Variants in SPOCK1 observed in about 807,000 individuals in gnomAD.
The protein encoded by SPOCK1 is SPARC (osteonectin), cwcv and kazal like domains proteoglycan 1.
In SPOCK1, 23 loss-of-function variants were observed where a neutral mutation model predicts 55.3. The observed-to-expected ratio is 0.42, with a 90% confidence interval of 0.30 to 0.59. The LOEUF is 0.59. Among genes scored for constraint, SPOCK1 ranks in the 20% least tolerant of loss-of-function variants. SPOCK1 has a pLI of 0.22. For synonymous variants in SPOCK1, 226 were observed against 221.0 expected, an observed-to-expected ratio of 1.02 and a Z score of -0.20; for missense variants, 499 against 552.5, an observed-to-expected ratio of 0.90 and a Z score of 0.97.
At chr5:137,449,713 A>G (rs1753208718) in intron 2 of SPOCK1, among the ~76,000 whole-genome samples, 1 of 151,290 alleles carries the variant, frequency 6.6e-6, no homozygotes, top group East Asian at 1.9e-4. Flanking sequence ...TCACAGTGGA[A>G]CCCCATCTCT....
intron 2 of SPOCK1, among the ~76,000 whole-genome samples, chr5:137,324,213 G>C (rs569337061): frequency 1.3e-5 from 2 of 152,210 alleles, no homozygotes; most frequent in Non-Finnish European, 2.9e-5. Flanking sequence ...GGGAGGCAGA[G>C]GTGGGTGGAT....
At chr5:137,082,030 G>A (rs1277287080) in intron 5 of SPOCK1, among the ~76,000 whole-genome samples, 1 of 152,228 alleles carries the variant, frequency 6.6e-6, no homozygotes, top group Non-Finnish European at 1.5e-5. Flanking sequence ...GCTAGGCCAG[G>A]TGCCCCAACA....
At chr5:137,112,360 G>C in intron 5 of SPOCK1, 75 bp downstream of exon 5, 1 of 1,556,108 alleles carries the variant, frequency 6.4e-7, no homozygotes, top group Non-Finnish European at 8.7e-7. Flanking sequence ...CCAAGCCCCA[G>C]TTTTGGCATA....
At chr5:137,144,168 T>C (rs1224605684) in intron 3 of SPOCK1, among the ~76,000 whole-genome samples, 2 of 152,064 alleles carry the variant, frequency 1.3e-5, no homozygotes, top group Non-Finnish European at 2.9e-5. Flanking sequence ...TCTGGACACC[T>C]GAGCCCTCAG....
chr5:137,282,070 T>C (rs1474640342), intron 2 of SPOCK1, among the ~76,000 whole-genome samples: 3 of 152,214 alleles, frequency 2.0e-5, no homozygotes, highest in Non-Finnish European at 4.4e-5. Flanking sequence ...GTGCCTACTC[T>C]ATCGGGTTAA....
At chr5:137,015,116 G>A (rs1751426394) in intron 6 of SPOCK1, among the ~76,000 whole-genome samples, 1 of 152,142 alleles carries the variant, frequency 6.6e-6, no homozygotes, top group South Asian at 2.1e-4. Flanking sequence ...TATCACAGTA[G>A]TCTTGGGAAA....
intron 6 of SPOCK1, among the ~76,000 whole-genome samples, chr5:137,007,616 G>T (rs754315314): frequency 1.3e-5 from 2 of 152,090 alleles, no homozygotes; most frequent in South Asian, 4.1e-4. Context: ...TTAGAATGGC[G>T]CTCATTAAAA....
At chr5:137,317,020 G>A (rs886690839) in intron 2 of SPOCK1, among the ~76,000 whole-genome samples, 1 of 152,136 alleles carries the variant, frequency 6.6e-6, no homozygotes, top group Admixed American at 6.5e-5. Context: ...AGCTCTGAAT[G>A]GCCACTCAGC....
At chr5:137,449,806 G>T (rs963224574) in intron 2 of SPOCK1, among the ~76,000 whole-genome samples, 1 of 143,766 alleles carries the variant, frequency 7.0e-6, no homozygotes, top group Non-Finnish European at 1.5e-5. Context: ...GAGGTAGGAG[G>T]ATCACTTGAG....
intron 3 of SPOCK1, among the ~76,000 whole-genome samples, chr5:137,262,905 C>T (rs1401521490): frequency 1.3e-5 from 2 of 152,220 alleles, no homozygotes; most frequent in African/African-American, 2.4e-5. Flanking sequence ...ACTTGTCAAG[C>T]ACTTCCTATA....
At chr5:137,154,698 C>A (rs1754381706) in intron 3 of SPOCK1, among the ~76,000 whole-genome samples, 1 of 152,186 alleles carries the variant, frequency 6.6e-6, no homozygotes, top group South Asian at 2.1e-4. Flanking sequence ...CTGTACTCAG[C>A]TTTATGATCA....
chr5:137,212,588 C>T (rs768665494), intron 3 of SPOCK1, among the ~76,000 whole-genome samples: 1 of 152,164 alleles, frequency 6.6e-6, no homozygotes, highest in Non-Finnish European at 1.5e-5. Context: ...GCCTGATTTG[C>T]CTGCATAGTG....
chr5:137,472,528 C>T (rs1259294948), intron 2 of SPOCK1, among the ~76,000 whole-genome samples: 2 of 152,184 alleles, frequency 1.3e-5, no homozygotes, highest in African/African-American at 2.4e-5. Flanking sequence ...TGGGGCAACC[C>T]ATGGAAGGGG....
intron 2 of SPOCK1, among the ~76,000 whole-genome samples, chr5:137,410,629 G>A (rs1752190096): frequency 6.6e-6 from 1 of 152,194 alleles, no homozygotes; most frequent in South Asian, 2.1e-4. Context: ...ATTAAATAGG[G>A]ACTGCACCCC....
chr5:137,385,710 A>G (rs1751584898), intron 2 of SPOCK1, among the ~76,000 whole-genome samples: 1 of 152,184 alleles, frequency 6.6e-6, no homozygotes, highest in Non-Finnish European at 1.5e-5. Flanking sequence ...CACATCTCCT[A>G]GGAGTGAACA....
intron 3 of SPOCK1, among the ~76,000 whole-genome samples, chr5:137,250,590 G>A (rs1229387956): frequency 6.6e-6 from 1 of 152,142 alleles, no homozygotes; most frequent in Non-Finnish European, 1.5e-5. Context: ...CCTCCCCACT[G>A]CCTGCCAACA....
chr5:136,999,690 G>A (rs995207331), intron 6 of SPOCK1, among the ~76,000 whole-genome samples: 2 of 152,164 alleles, frequency 1.3e-5, no homozygotes, highest in South Asian at 4.1e-4. Context: ...ATAAAAAATG[G>A]AAAGGGAGAC....
chr5:137,248,887 T>A (rs1313875049), intron 3 of SPOCK1, among the ~76,000 whole-genome samples: 1 of 152,242 alleles, frequency 6.6e-6, no homozygotes, highest in African/African-American at 2.4e-5. Context: ...CTTTCCCATC[T>A]GAGAATCTTG....
At chr5:137,109,133 C>T (rs950801171) in intron 5 of SPOCK1, among the ~76,000 whole-genome samples, 1 of 152,206 alleles carries the variant, frequency 6.6e-6, no homozygotes, top group African/African-American at 2.4e-5. Context: ...CTTGCCCAAA[C>T]AGTCCTGAGT....
Sources: allele counts gnomAD v4.1 joint callset (sites outside exome capture counted in the v4.1 genomes callset), GRCh38; gene constraint gnomAD v4.1.1; transcripts MANE v1.5; gene names NCBI Gene and HGNC (gene_info 2026-07-23, HGNC 2026-07-21).